SYCP2L: variants seen among roughly 807,000 people sequenced by gnomAD.
SYCP2L encodes the protein synaptonemal complex protein 2 like, also known as synaptonemal complex protein 2-like.
In SYCP2L, 98 loss-of-function variants were observed where a neutral mutation model predicts 125.8. That is an observed-to-expected ratio of 0.78 (90% CI 0.66 to 0.92). SYCP2L has a LOEUF of 0.92. Ranked by LOEUF, SYCP2L falls within the 40% of genes least tolerant of loss-of-function variation. SYCP2L has a pLI of 0.00. For synonymous variants in SYCP2L, 317 were observed against 325.4 expected (o/e 0.97, Z 0.28); for missense variants, 842 against 936.4 (o/e 0.90, Z 1.32).
intron 10 of SYCP2L, among the ~76,000 whole-genome samples, chr6:10,909,560 G>C (rs1003057186): frequency 2.0e-5 from 3 of 152,178 alleles, no homozygotes; most frequent in Non-Finnish European, 2.9e-5. Flanking sequence ...ACTTGGATCT[G>C]TCTCTTTGTT....
In SYCP2L at chr6:10,961,240, A is replaced by G. The variant is rs1175863184; in HGVS notation, c.2256-65A>G. 5 of 1,283,022 alleles carry G rather than the reference A, an allele frequency of 3.9e-6. No individual in the cohort carries two copies. The Admixed American group carries it at 7.0e-5, about 18-fold the overall frequency. The allele number at this position is 1,283,022 out of a possible 1,614,324, so 79.5% of individuals were successfully genotyped here. A position where few individuals can be genotyped will look rare whatever the true frequency, so the allele number is the denominator to read the frequency against. On this transcript the variant is annotated intron_variant, in intron 26 of 29. Coordinates refer to ENST00000283141, the MANE Select transcript of SYCP2L (RefSeq NM_001040274.3). ...AAGTATCCTTGTAATCAGATGACTT[A>G]TTAAGAAAGTCTGCTGTCACATCCA...
intron 29 of SYCP2L, among the ~76,000 whole-genome samples, chr6:10,973,608 A>G (rs981706026): frequency 3.3e-5 from 5 of 152,180 alleles, no homozygotes; most frequent in African/African-American, 1.2e-4. Flanking sequence ...GTGGCCCCTA[A>G]AGCCAGGCCA....
At position 10,912,777 on chromosome 6, in the gene SYCP2L, C is replaced by T. The variant is rs759910775; in HGVS notation, c.1011+12C>T. ...TAGACAATGCTGAGGTAATGATGTT[C>T]GATTCTTGGTTAGAACTAAGCCTTT... On this transcript the variant is annotated intron_variant, in intron 13 of 29. Transcript: ENST00000283141. This position sits in a 1 kb window ranked among gnomAD's most constrained non-coding sequence, Gnocchi z 4.1. 31 of 1,611,202 alleles carry T rather than the reference C, an allele frequency of 1.9e-5. No individual in the cohort carries two copies. Among genetic ancestry groups the T allele is most frequent in the Non-Finnish European group, 2.3e-5 (27 of 1,177,768 alleles).
intron 14 of SYCP2L, among the ~76,000 whole-genome samples, chr6:10,923,744 C>T (rs1780846035): frequency 7.0e-6 from 1 of 143,788 alleles, no homozygotes; most frequent in Non-Finnish European, 1.5e-5. Flanking sequence ...AGTGCAGTGG[C>T]ACGATCTCGG....
At chr6:10,936,921 A>G (rs1338956618) in intron 21 of SYCP2L, among the ~76,000 whole-genome samples, 1 of 152,250 alleles carries the variant, frequency 6.6e-6, no homozygotes, top group African/African-American at 2.4e-5. Flanking sequence ...TATGCACCCA[A>G]CATTACAGCA....
chr6:10,927,656 C>T (rs905021225), intron 17 of SYCP2L, among the ~76,000 whole-genome samples: 9 of 152,250 alleles, frequency 5.9e-5, no homozygotes, highest in East Asian at 1.9e-4. Flanking sequence ...AGGACCGGGG[C>T]GAAATTAAAA....
chr6:10,918,628 C>T (rs1269900058), intron 14 of SYCP2L, among the ~76,000 whole-genome samples: 2 of 152,052 alleles, frequency 1.3e-5, no homozygotes, highest in Admixed American at 6.5e-5. Context: ...CCTCCGCCTC[C>T]TGGGTTCAAG....
At chr6:10,926,053 C>T (rs766226735) in intron 15 of SYCP2L, among the ~76,000 whole-genome samples, 14 of 152,198 alleles carry the variant, frequency 9.2e-5, no homozygotes, top group South Asian at 6.2e-4. Flanking sequence ...AGCGGTTAGA[C>T]GTTACCCAAT....
At chr6:10,906,433 C>T (rs993152785) in intron 9 of SYCP2L, among the ~76,000 whole-genome samples, 3 of 152,034 alleles carry the variant, frequency 2.0e-5, no homozygotes, top group Admixed American at 2.0e-4. Flanking sequence ...TCTGTACATC[C>T]CTAAACAACA....
At chr6:10,897,267 C>A (rs908987646) in intron 4 of SYCP2L, among the ~76,000 whole-genome samples, 24 of 152,122 alleles carry the variant, frequency 1.6e-4, no homozygotes, top group African/African-American at 5.3e-4. Flanking sequence ...AAGAAAGATA[C>A]CTAGGCCTGA....
intron 1 of SYCP2L, among the ~76,000 whole-genome samples, chr6:10,889,273 A>G (rs1042404520): frequency 1.3e-5 from 2 of 152,162 alleles, no homozygotes. Context: ...TTTATTTTTA[A>G]TTGACACATA....
chr6:10,907,740 T>C, intron 10 of SYCP2L, 56 bp downstream of exon 10: 4 of 1,583,362 alleles, frequency 2.5e-6, no homozygotes, highest in Non-Finnish European at 3.4e-6. Context: ...AAGCATCCGC[T>C]GAGAACTTTC....
At chr6:10,939,449 G>A (rs943774042) in intron 21 of SYCP2L, among the ~76,000 whole-genome samples, 19 of 152,166 alleles carry the variant, frequency 1.2e-4, no homozygotes, top group African/African-American at 4.6e-4. Context: ...TAAAGCTGGA[G>A]GCATCACACT....
intron 28 of SYCP2L, among the ~76,000 whole-genome samples, chr6:10,962,194 C>A (rs1781605050): frequency 6.9e-6 from 1 of 144,482 alleles, no homozygotes; most frequent in Admixed American, 6.8e-5. Flanking sequence ...ATAGTTAAAG[C>A]TTTATCTTCC....
chr6:10,956,504 T>C (rs548019520), intron 25 of SYCP2L, among the ~76,000 whole-genome samples: 11 of 152,338 alleles, frequency 7.2e-5, no homozygotes, highest in Non-Finnish European at 1.2e-4. Context: ...CTATAGTTAG[T>C]AATAATGTAC....
intron 1 of SYCP2L, among the ~76,000 whole-genome samples, chr6:10,889,959 T>G (rs921788469): frequency 6.6e-6 from 1 of 152,134 alleles, no homozygotes. Flanking sequence ...ATCAAGAACA[T>G]GCAGTGTGTC....
At chr6:10,900,930 C>T (rs1225809614) in intron 6 of SYCP2L, among the ~76,000 whole-genome samples, 2 of 152,198 alleles carry the variant, frequency 1.3e-5, no homozygotes, top group Non-Finnish European at 2.9e-5. Context: ...TATGCCCAGG[C>T]TCTGCAGAGC....
intron 26 of SYCP2L, among the ~76,000 whole-genome samples, chr6:10,959,784 G>A (rs1314178500): frequency 3.3e-5 from 5 of 151,250 alleles, no homozygotes; most frequent in African/African-American, 9.7e-5. Flanking sequence ...CGGGAGAATC[G>A]CTTGAACTCG....
At chr6:10,942,424 C>T (rs376224818) in intron 21 of SYCP2L, 35 bp from the exon 22 acceptor site, 54 of 1,312,302 alleles carry the variant, frequency 4.1e-5, no homozygotes, top group African/African-American at 2.5e-4. Flanking sequence ...TGTTACTTGG[C>T]GTGTATTCAC....
Sources: gnomAD v4.1 joint callset for allele counts (sites outside exome capture counted in the v4.1 genomes callset) on GRCh38, gnomAD v4.1.1 for gene constraint, Gnocchi (gnomAD v3.1) non-coding constraint, MANE v1.5 for transcripts, NCBI Gene and HGNC (gene_info 2026-07-23, HGNC 2026-07-21) for gene names.